Variants in SIRT5 observed in about 807,000 individuals in gnomAD.
SIRT5 encodes sirtuin 5.
Under a neutral mutation model 40.0 loss-of-function variants are expected in SIRT5, and 26 were observed. That is an observed-to-expected ratio of 0.65 (90% CI 0.48 to 0.90). The LOEUF is 0.90. SIRT5 is among the 40% of genes least tolerant of loss of function. The probability of loss-of-function intolerance (pLI) is 0.00; values close to 1 mark genes in which losing one functional copy is unlikely to be tolerated. For synonymous variants in SIRT5, 146 were observed against 149.1 expected, an observed-to-expected ratio of 0.98 and a Z score of 0.15; for missense variants, 401 against 402.4, an observed-to-expected ratio of 1.00 and a Z score of 0.03.
chr6:13,598,647 T>C (rs1292003505), intron 7 of SIRT5, among the ~76,000 whole-genome samples: 2 of 151,926 alleles, frequency 1.3e-5, no homozygotes, highest in African/African-American at 4.8e-5. Flanking sequence ...CCGGCGAATG[T>C]GGTGAAACAT....
At chr6:13,584,046 A>T in intron 2 of SIRT5, 30 bp from the exon 3 acceptor site, 1 of 1,021,214 alleles carries the variant, frequency 9.8e-7, no homozygotes, top group Non-Finnish European at 1.5e-6. Context: ...GATTGTTTCT[A>T]CACTATTTGT....
intron 3 of SIRT5, 27 bp from the exon 4 acceptor site, chr6:13,588,304 G>T: frequency 5.6e-6 from 9 of 1,608,740 alleles, no homozygotes; most frequent in Non-Finnish European, 6.8e-6. Flanking sequence ...CTGTACACTG[G>T]ATTGATAAAG....
At chr6:13,577,622 C>G (rs1399269594) in intron 1 of SIRT5, among the ~76,000 whole-genome samples, 1 of 148,962 alleles carries the variant, frequency 6.7e-6, no homozygotes, top group Non-Finnish European at 1.5e-5. Flanking sequence ...ATATAGAAAT[C>G]TCATATATCT....
At chr6:13,592,421 A>G (rs774607106) in intron 5 of SIRT5, among the ~76,000 whole-genome samples, 5 of 152,194 alleles carry the variant, frequency 3.3e-5, no homozygotes, top group Non-Finnish European at 7.4e-5. Flanking sequence ...AGACTGCAGC[A>G]TCTTGGGGTC....
At position 13,611,774 on chromosome 6, in the gene SIRT5, GCTT is replaced by G. The variant is rs745462015; in HGVS notation, c.858-10_858-8del. On this transcript the variant is annotated splice_polypyrimidine_tract_variant and intron_variant, in intron 9 of 9. Transcript: ENST00000606117. ...CCTGTAGTTCAAAACTGCTGTATTT[GCTT>G]CTTCTCTTTCAGGTTTCATTTCCAG... The G allele has an allele frequency of 1.3e-6, 2 of 1,593,252 alleles. No homozygotes were observed. Among genetic ancestry groups the G allele is most frequent in the South Asian group, 2.2e-5 (2 of 90,672 alleles).
intron 9 of SIRT5, chr6:13,605,840 G>T: frequency 1.0e-6 from 1 of 985,412 alleles, no homozygotes; most frequent in Non-Finnish European, 1.2e-6. Flanking sequence ...GGGAGCTGGT[G>T]GCCAGGGCCT....
At chr6:13,596,908 T>C in intron 6 of SIRT5, 55 bp from the exon 7 acceptor site, 2 of 1,419,822 alleles carry the variant, frequency 1.4e-6, no homozygotes, top group Non-Finnish European at 1.9e-6. Context: ...ATGTTGTTTC[T>C]TTATTTTTTA....
At chr6:13,593,246 A>C (rs2127664655) in intron 5 of SIRT5, among the ~76,000 whole-genome samples, 1 of 152,316 alleles carries the variant, frequency 6.6e-6, no homozygotes, top group Admixed American at 6.5e-5. Flanking sequence ...TTCCAGAAGC[A>C]GTGCACCAGT....
rs1227436513 is a variant in SIRT5, at chr6:13,574,646, G to C, written c.-293G>C. 6.6e-6 allele frequency: 1 copy of C among 152,428 alleles called. No homozygotes were observed. The highest frequency in any genetic ancestry group is 1.9e-4 in the East Asian group (1 of 5,174). The allele number at this position is 152,428 out of a possible 1,614,324, so 9.4% of individuals were successfully genotyped here. A position where few individuals can be genotyped will look rare whatever the true frequency, so the allele number is the denominator to read the frequency against. On this transcript the variant is annotated 5_prime_UTR_variant, in exon 1 of 10. Transcript: ENST00000606117. The stretch of plus-strand genomic sequence containing the variant: ...CCAGGTGAGCCGTGGCTCAGGTCCG[G>C]AGCGCGGTCGGGACACAGCGCCTCT...
At chr6:13,588,501 G>T (rs762218110) in intron 4 of SIRT5, 37 bp downstream of exon 4, 1 of 1,598,164 alleles carries the variant, frequency 6.3e-7, no homozygotes, top group East Asian at 2.2e-5. Flanking sequence ...AGCCTCTGTC[G>T]AATGAAACCA....
chr6:13,580,100 A>C (rs1562260862), intron 2 of SIRT5, among the ~76,000 whole-genome samples: 1 of 152,178 alleles, frequency 6.6e-6, no homozygotes, highest in African/African-American at 2.4e-5. Context: ...GAGTCTGTTC[A>C]CTTCCCTCTA....
intron 2 of SIRT5, among the ~76,000 whole-genome samples, chr6:13,579,941 T>A (rs565706349): frequency 6.3e-4 from 96 of 152,246 alleles, no homozygotes; most frequent in Admixed American, 1.6e-3. Context: ...GTCAAAAGTT[T>A]ATCATGCCCA....
At chr6:13,606,316 T>C (rs556129587) in intron 9 of SIRT5, among the ~76,000 whole-genome samples, 89 of 152,120 alleles carry the variant, frequency 5.9e-4, no homozygotes, top group Non-Finnish European at 7.6e-4. Flanking sequence ...AGTAAAGTAA[T>C]GGAGTTGGGG....
intron 5 of SIRT5, 75 bp downstream of exon 5, chr6:13,591,969 G>A (rs1760974325): frequency 9.7e-6 from 13 of 1,340,252 alleles, no homozygotes; most frequent in South Asian, 4.0e-5. Flanking sequence ...ATCACCTCTG[G>A]TGCCTTCCCT....
Position 13,610,123 on chromosome 6 carries a change from C to T in SIRT5, c.858-1667C>T, listed in dbSNP as rs188287146. On this transcript the variant is annotated intron_variant, in intron 9 of 9. Transcript: ENST00000606117. ...CTGGGACTACAAGCTCGTGTCACCA[C>T]GCATGGTTGTTTTTACTGTTACCTT... Among the ~76,000 whole-genome samples, 6 of 152,244 alleles carry T rather than the reference C, an allele frequency of 3.9e-5. No individual in the cohort carries two copies. In the East Asian group the frequency reaches 5.8e-4, roughly 15 times the overall value.
chr6:13,575,073 C>T (rs1022713247), intron 1 of SIRT5, among the ~76,000 whole-genome samples: 14 of 152,098 alleles, frequency 9.2e-5, no homozygotes, highest in Admixed American at 5.2e-4. Context: ...GGGCCTAGTC[C>T]CTGGGCACGA....
intron 5 of SIRT5, 103 bp downstream of exon 5, chr6:13,591,997 C>G (rs1760977035): frequency 9.4e-7 from 1 of 1,068,186 alleles, no homozygotes; most frequent in South Asian, 1.5e-5. Context: ...TGCTGGACAT[C>G]CGTCCTGTCC....
intron 6 of SIRT5, 42 bp downstream of exon 6, chr6:13,595,606 C>T (rs779340217): frequency 2.1e-6 from 3 of 1,396,766 alleles, no homozygotes; most frequent in Admixed American, 1.7e-5. Flanking sequence ...GTTGTTTTCT[C>T]CTTTAGGTTG....
chr6:13,591,740 G>A lies in SIRT5; in HGVS notation c.321G>A (p.Glu107=), dbSNP rs1456605161. The A allele has an allele frequency of 2.5e-6, 4 of 1,612,432 alleles. No homozygotes were observed. The highest frequency in any genetic ancestry group is 4.5e-5 in the East Asian group (2 of 44,860). The change falls in exon 5 of 10, where the codon GAG becomes GAA. Residue 107 remains glutamate (E), a synonymous_variant. Transcript: ENST00000606117. The stretch of plus-strand genomic sequence containing the variant: ...GGGAGTTCTACCACTACCGGCGGGA[G>A]GTCATGGGGAGCAAGGAGCCCAACG... ...RVWEFYHYRR[E]VMGSKEPNAG...
Sources: allele counts gnomAD v4.1 joint callset (sites outside exome capture counted in the v4.1 genomes callset), GRCh38; gene constraint gnomAD v4.1.1; transcripts MANE v1.5; gene names NCBI Gene and HGNC (gene_info 2026-07-23, HGNC 2026-07-21).